Variants in AMN1 observed in about 807,000 individuals in gnomAD.
AMN1 encodes the protein antagonist of mitotic exit network 1 homolog.
Under a neutral mutation model 33.0 loss-of-function variants are expected in AMN1, and 20 were observed. That is an observed-to-expected ratio of 0.61 (90% CI 0.43 to 0.88). The LOEUF (loss-of-function observed/expected upper bound fraction) is 0.88, where lower values mean the gene tolerates loss of function less well. Among genes scored for constraint, AMN1 ranks in the 40% least tolerant of loss-of-function variants. The pLI is 0.00. For missense variants in AMN1, 246 were observed against 307.4 expected, an observed-to-expected ratio of 0.80 and a Z score of 1.49; for synonymous variants, 114 against 111.9, an observed-to-expected ratio of 1.02 and a Z score of -0.12.
chr12:31,724,378 A>C (rs1415368578), intron 1 of AMN1, among the ~76,000 whole-genome samples: 1 of 152,186 alleles, frequency 6.6e-6, no homozygotes, highest in Non-Finnish European at 1.5e-5. Flanking sequence ...ATAACCAAGA[A>C]GGCTACTAAA....
chr12:31,716,536 C>A (rs1438145627), intron 1 of AMN1, among the ~76,000 whole-genome samples: 1 of 152,096 alleles, frequency 6.6e-6, no homozygotes, highest in Non-Finnish European at 1.5e-5. Context: ...AAATTTTAGT[C>A]ATTTTAGTGG....
At chr12:31,709,802 C>T (rs1047979801) in intron 1 of AMN1, among the ~76,000 whole-genome samples, 2 of 152,088 alleles carry the variant, frequency 1.3e-5, no homozygotes, top group Non-Finnish European at 2.9e-5. Context: ...ACGCTCCAGC[C>T]TGGGCAACAG....
At chr12:31,688,931 G>A (rs1938384639) in intron 6 of AMN1, 76 bp downstream of exon 6, 2 of 870,920 alleles carry the variant, frequency 2.3e-6, no homozygotes, top group Non-Finnish European at 3.6e-6. Context: ...TAATGAAATG[G>A]GTTAAGTAAT....
intron 1 of AMN1, 95 bp from the exon 2 acceptor site, chr12:31,709,520 A>T: frequency 6.9e-7 from 1 of 1,443,226 alleles, no homozygotes; most frequent in East Asian, 2.5e-5. Flanking sequence ...GCCCTTTCAT[A>T]AAAGTGTGTA....
At chr12:31,728,164 T>A (rs1184986473) in intron 1 of AMN1, among the ~76,000 whole-genome samples, 1 of 152,176 alleles carries the variant, frequency 6.6e-6, no homozygotes, top group Non-Finnish European at 1.5e-5. Context: ...CAGAAAGCCT[T>A]CAGTAGATTA....
intron 1 of AMN1, among the ~76,000 whole-genome samples, chr12:31,723,739 A>G (rs1939961540): frequency 6.6e-6 from 1 of 152,172 alleles, no homozygotes; most frequent in South Asian, 2.1e-4. Flanking sequence ...ACAATGGCAG[A>G]GCTGAGTAAC....
At chr12:31,703,456 C>T (rs1346197952) in intron 2 of AMN1, among the ~76,000 whole-genome samples, 3 of 152,144 alleles carry the variant, frequency 2.0e-5, no homozygotes, top group Non-Finnish European at 4.4e-5. Flanking sequence ...CTTCCTCCTT[C>T]CTCCCTTTTG....
rs1466012119 is a variant in AMN1, at chr12:31,687,181, T to C, written c.703+1826A>G. ...ATAAACCACTGCACCCGGCCACCAGTGTCCTTACTGGCTCTAGTTTCTTAA... is the reference window on the plus strand; with the variant it reads ...ATAAACCACTGCACCCGGCCACCAGCGTCCTTACTGGCTCTAGTTTCTTAA... On this transcript the variant is annotated intron_variant, in intron 6 of 6. Coordinates refer to ENST00000281471, the MANE Select transcript of AMN1 (RefSeq NM_001113402.2). The surrounding 1 kb of genome is among the most constrained non-coding windows in gnomAD (Gnocchi z 4.1). 1.3e-5 allele frequency among the ~76,000 whole-genome samples: 2 copies of C among 152,002 alleles called. No individual in the cohort carries two copies. Among genetic ancestry groups the C allele is most frequent in the East Asian group, 3.9e-4 (2 of 5,178 alleles).
chr12:31,723,614 A>G (rs1939956614), intron 1 of AMN1, among the ~76,000 whole-genome samples: 1 of 152,194 alleles, frequency 6.6e-6, no homozygotes, highest in Non-Finnish European at 1.5e-5. Context: ...CTTTTACTGC[A>G]AAGGTTGCTC....
chr12:31,698,245 C>T (rs1938825295), intron 3 of AMN1, among the ~76,000 whole-genome samples: 1 of 152,112 alleles, frequency 6.6e-6, no homozygotes, highest in South Asian at 2.1e-4. Flanking sequence ...CATTCAGAAC[C>T]CAATTAGATA....
chr12:31,722,547 G>C (rs879263711), intron 1 of AMN1, among the ~76,000 whole-genome samples: 2 of 152,092 alleles, frequency 1.3e-5, no homozygotes, highest in Admixed American at 1.3e-4. Flanking sequence ...ACCCTGAAAG[G>C]GTTCATAGTC....
rs138815165 is a variant in AMN1, at chr12:31,719,217, C to T, written c.38+9754G>A. 1,403 of 305,880 alleles carry T rather than the reference C, an allele frequency of 4.6e-3. 18 individuals are homozygous for T. The highest frequency in any genetic ancestry group is 0.03 in the African/African-American group (1,315 of 44,328). 18.9% of individuals were successfully genotyped at this position (305,880 alleles called of 1,614,324 possible). On this transcript the variant is annotated intron_variant, in intron 1 of 6. Coordinates refer to ENST00000281471, the MANE Select transcript of AMN1 (RefSeq NM_001113402.2). ...CAGTCCCAGTGAGATGAACCAGGTACCTCAGTTGGAAATGCAGAAATCGCC... is the reference window on the plus strand; with the variant it reads ...CAGTCCCAGTGAGATGAACCAGGTATCTCAGTTGGAAATGCAGAAATCGCC...
intron 6 of AMN1, among the ~76,000 whole-genome samples, chr12:31,676,069 G>C (rs1278424213): frequency 6.6e-6 from 1 of 151,472 alleles, no homozygotes; most frequent in Non-Finnish European, 1.5e-5. Context: ...ATCCAAAAAT[G>C]AACTAGAAAA....
At chr12:31,679,090 C>T (rs1937877958) in intron 6 of AMN1, among the ~76,000 whole-genome samples, 1 of 152,108 alleles carries the variant, frequency 6.6e-6, no homozygotes, top group African/African-American at 2.4e-5. Flanking sequence ...GGGTGGATCT[C>T]TTGAGCCCAA....
intron 1 of AMN1, chr12:31,714,483 CA>C (rs1394825056): frequency 6.6e-6 from 1 of 152,170 alleles, no homozygotes; most frequent in African/African-American, 2.4e-5. Flanking sequence ...TGCACCACCA[CA>C]ATCAGCTAAT....
At chr12:31,711,908 CATG>C (rs1233284745) in intron 1 of AMN1, among the ~76,000 whole-genome samples, 1 of 152,202 alleles carries the variant, frequency 6.6e-6, no homozygotes, top group Non-Finnish European at 1.5e-5. Context: ...TCTCTATCTT[CATG>C]ATATCCACTT....
At position 31,672,285 on chromosome 12, in the gene AMN1, G is replaced by GATCATCTTC. The variant is rs765102110; in HGVS notation, c.*10_*18dup. ...AGTTTTGATAAGCTTTCCTAGCATTGATCATCTTCAAAAAAGCATCAATAA... is the reference window on the plus strand; with the variant it reads ...AGTTTTGATAAGCTTTCCTAGCATTGATCATCTTCATCATCTTCAAAAAAGCATCAATAA... On this transcript the variant is annotated 3_prime_UTR_variant, in exon 7 of 7. Coordinates refer to ENST00000281471, the MANE Select transcript of AMN1 (RefSeq NM_001113402.2). 1 of 1,547,718 alleles carries GATCATCTTC rather than the reference G, an allele frequency of 6.5e-7. No homozygotes were observed. Among genetic ancestry groups the GATCATCTTC allele is most frequent in the Non-Finnish European group, 8.8e-7 (1 of 1,138,738 alleles).
intron 5 of AMN1, among the ~76,000 whole-genome samples, chr12:31,693,853 T>C (rs539452508): frequency 1.8e-4 from 27 of 152,058 alleles, no homozygotes; most frequent in Middle Eastern, 3.4e-3. Flanking sequence ...GTATTTTTCA[T>C]AGAGACAAGG....
Position 31,719,329 on chromosome 12 carries a change from A to AT in AMN1, c.38+9641_38+9642insA, listed in dbSNP as rs1939796917. 6 of 982,888 alleles carry AT rather than the reference A, an allele frequency of 6.1e-6. No homozygotes were observed. The South Asian group carries it at 2.4e-4, about 39-fold the overall frequency. The allele number at this position is 982,888 out of a possible 1,614,324, so 60.9% of individuals were successfully genotyped here. On this transcript the variant is annotated intron_variant, in intron 1 of 6. Coordinates refer to ENST00000281471, the MANE Select transcript of AMN1 (RefSeq NM_001113402.2). ...GGAAGTGACCTCCCAATTTCTTTTT[A>AT]ATGATATAAAATCTTTCCTAAGCAT...
Sources: allele counts gnomAD v4.1 joint callset (sites outside exome capture counted in the v4.1 genomes callset), GRCh38; gene constraint gnomAD v4.1.1; non-coding constraint Gnocchi (gnomAD v3.1); transcripts MANE v1.5; gene names NCBI Gene and HGNC (gene_info 2026-07-23, HGNC 2026-07-21).